SNTB2: variants seen among roughly 807,000 people sequenced by gnomAD.
SNTB2 encodes beta-2-syntrophin.
A neutral mutation model predicts 46.2 loss-of-function variants in SNTB2; 34 were observed. The ratio of observed to expected loss-of-function variants is 0.74; its 90% confidence interval spans 0.56 to 0.98. SNTB2 has a LOEUF of 0.98. Ranked by LOEUF, SNTB2 falls within the 50% of genes least tolerant of loss-of-function variation. The pLI, the probability that SNTB2 is intolerant of heterozygous loss-of-function variation, is 0.00. For synonymous variants in SNTB2, 290 were observed against 312.6 expected, an observed-to-expected ratio of 0.93 and a Z score of 0.76; for missense variants, 603 against 731.4, an observed-to-expected ratio of 0.82 and a Z score of 2.02.
At chr16:69,242,002 C>T (rs1421984757) in intron 1 of SNTB2, 1 of 148,518 alleles carries the variant, frequency 6.7e-6, no homozygotes, top group African/African-American at 2.5e-5. Flanking sequence ...ATGCCCCAAA[C>T]ATGGAACTCT....
intron 1 of SNTB2, among the ~76,000 whole-genome samples, chr16:69,189,985 T>C (rs1421703016): frequency 1.3e-5 from 2 of 152,210 alleles, no homozygotes; most frequent in Admixed American, 6.5e-5. Context: ...TTTGTTCTTA[T>C]AAGTAGTGAG....
chr16:69,204,783 A>G (rs896179401), intron 1 of SNTB2, among the ~76,000 whole-genome samples: 2 of 152,210 alleles, frequency 1.3e-5, no homozygotes, highest in South Asian at 2.1e-4. Context: ...TGTGGCCTAC[A>G]TGAGTATTTT....
chr16:69,267,289 T>G (rs1317506963), intron 3 of SNTB2, among the ~76,000 whole-genome samples: 8 of 152,166 alleles, frequency 5.3e-5, no homozygotes, highest in Admixed American at 5.2e-4. Flanking sequence ...AGTGTTGGGA[T>G]TACAGGCGTG....
At chr16:69,295,054 C>T (rs1965209313) in intron 5 of SNTB2, among the ~76,000 whole-genome samples, 2 of 151,892 alleles carry the variant, frequency 1.3e-5, no homozygotes, top group South Asian at 4.2e-4. Context: ...CTCCTGAGCT[C>T]AGGCAATCCA....
intron 2 of SNTB2, among the ~76,000 whole-genome samples, chr16:69,246,713 C>T (rs1229730146): frequency 6.9e-6 from 1 of 144,212 alleles, no homozygotes; most frequent in Non-Finnish European, 1.5e-5. Flanking sequence ...GGTTGGTAAA[C>T]TATTGATTAT....
intron 3 of SNTB2, among the ~76,000 whole-genome samples, chr16:69,264,891 C>T (rs1395947510): frequency 6.6e-6 from 1 of 152,080 alleles, no homozygotes; most frequent in Non-Finnish European, 1.5e-5. Context: ...TGATTCAAGA[C>T]GTTCAAGAAT....
At chr16:69,272,064 A>G (rs1964942608) in intron 4 of SNTB2, among the ~76,000 whole-genome samples, 1 of 152,224 alleles carries the variant, frequency 6.6e-6, no homozygotes, top group African/African-American at 2.4e-5. Flanking sequence ...GGTTAGGCAG[A>G]GTCTTCTCAG....
chr16:69,234,164 C>T (rs957472782), intron 1 of SNTB2, among the ~76,000 whole-genome samples: 1 of 152,192 alleles, frequency 6.6e-6, no homozygotes, highest in Admixed American at 6.5e-5. Context: ...AACCCTGTCT[C>T]TACAAAAAAG....
At chr16:69,235,652 C>T (rs1453905619) in intron 1 of SNTB2, 3 of 1,203,688 alleles carry the variant, frequency 2.5e-6, no homozygotes, top group Non-Finnish European at 3.2e-6. Flanking sequence ...AGAAAGAAAA[C>T]AAAACAAAAA....
At chr16:69,297,853 G>C (rs1965242819) in intron 5 of SNTB2, among the ~76,000 whole-genome samples, 1 of 152,098 alleles carries the variant, frequency 6.6e-6, no homozygotes, top group South Asian at 2.1e-4. Context: ...GGGTGAGGTT[G>C]CAATGAACCG....
intron 1 of SNTB2, among the ~76,000 whole-genome samples, chr16:69,214,655 T>C (rs983136533): frequency 6.6e-6 from 1 of 150,692 alleles, no homozygotes; most frequent in African/African-American, 2.4e-5. Flanking sequence ...GCCTCCTGAG[T>C]AGCTGGGATT....
At chr16:69,285,664 T>G (rs1965095849) in intron 5 of SNTB2, among the ~76,000 whole-genome samples, 1 of 151,552 alleles carries the variant, frequency 6.6e-6, no homozygotes, top group African/African-American at 2.4e-5. Flanking sequence ...AAAAATTTTT[T>G]TTTTTTAAGT....
At chr16:69,193,190 A>G (rs753011651) in intron 1 of SNTB2, among the ~76,000 whole-genome samples, 3 of 151,864 alleles carry the variant, frequency 2.0e-5, no homozygotes, top group Non-Finnish European at 2.9e-5. Context: ...CAGGAGTTCA[A>G]GATCATCCTG....
intron 5 of SNTB2, among the ~76,000 whole-genome samples, chr16:69,293,308 C>G (rs1172959344): frequency 6.6e-6 from 1 of 152,048 alleles, no homozygotes; most frequent in Admixed American, 6.6e-5. Context: ...AGTACCCTTC[C>G]CTGAAACACA....
intron 2 of SNTB2, among the ~76,000 whole-genome samples, chr16:69,254,295 C>A (rs908875688): frequency 6.6e-6 from 1 of 152,066 alleles, no homozygotes; most frequent in South Asian, 2.1e-4. Flanking sequence ...ACTCTCACTT[C>A]CAGAGGTAAC....
chr16:69,278,686 CCT>C (rs774664125), intron 4 of SNTB2, among the ~76,000 whole-genome samples: 1 of 152,210 alleles, frequency 6.6e-6, no homozygotes, highest in Non-Finnish European at 1.5e-5. Flanking sequence ...AAACTCCTGA[CCT>C]CAGGTGATCT....
At chr16:69,249,697 C>T (rs1964707314) in intron 2 of SNTB2, among the ~76,000 whole-genome samples, 1 of 152,156 alleles carries the variant, frequency 6.6e-6, no homozygotes, top group African/African-American at 2.4e-5. Flanking sequence ...AATGATCAGT[C>T]TACTCGACCA....
intron 3 of SNTB2, among the ~76,000 whole-genome samples, chr16:69,268,635 C>T (rs571232424): frequency 5.3e-5 from 8 of 151,774 alleles, no homozygotes; most frequent in Non-Finnish European, 8.8e-5. Context: ...GAGACCGAGG[C>T]GGGTGGATTG....
chr16:69,299,451 T>G lies in SNTB2; in HGVS notation c.1346-139T>G. On this transcript the variant is annotated intron_variant, in intron 5 of 6. Transcript: ENST00000336278. ...CCACCACGCCTAGCACAAAACACACTTTAGAAGTTTCCATACAGGTTAGGT... is the reference window on the plus strand; with the variant it reads ...CCACCACGCCTAGCACAAAACACACGTTAGAAGTTTCCATACAGGTTAGGT... 3 of 851,954 alleles carry G rather than the reference T, an allele frequency of 3.5e-6. No individual in the cohort carries two copies. In the South Asian group the frequency reaches 5.3e-5, roughly 15 times the overall value. The allele number at this position is 851,954 out of a possible 1,614,324, so 52.8% of individuals were successfully genotyped here. A position where few individuals can be genotyped will look rare whatever the true frequency, so the allele number is the denominator to read the frequency against.
Sources: allele counts gnomAD v4.1 joint callset (sites outside exome capture counted in the v4.1 genomes callset), GRCh38; gene constraint gnomAD v4.1.1; transcripts MANE v1.5; gene names NCBI Gene and HGNC (gene_info 2026-07-23, HGNC 2026-07-21).